Variants in SYCP1 observed in about 807,000 individuals in gnomAD.
SYCP1 encodes the protein cancer/testis antigen 8.
A neutral mutation model predicts 153.1 loss-of-function variants in SYCP1; 64 were observed. That is an observed-to-expected ratio of 0.42 (90% CI 0.34 to 0.51). The LOEUF is 0.51. Among genes scored for constraint, SYCP1 ranks in the 20% least tolerant of loss-of-function variants. SYCP1 has a pLI of 0.06. For missense variants in SYCP1, 997 were observed against 1,049.0 expected (o/e 0.95, Z 0.68); for synonymous variants, 384 against 341.8 (o/e 1.12, Z -1.36).
rs760114839 is a variant in SYCP1, at chr1:114,855,488, A to C, written c.24A>C (p.Ala8=). ...AAATGGAAAAGCAAAAGCCCTTTGC[A>C]TTGTTCGTACCACCGAGATCAAGCA... MEKQKPF[A]LFVPPRSSSS... Residue 8 remains alanine (A), a synonymous_variant, in exon 2 of 32, where the codon GCA becomes GCC. Transcript: ENST00000369522. 6.2e-7 allele frequency: 1 copy of C among 1,609,454 alleles called. No homozygotes were observed.
intron 30 of SYCP1, among the ~76,000 whole-genome samples, 198 bp from the exon 31 acceptor site, chr1:114,994,500 T>C (rs1397780898): frequency 6.6e-6 from 1 of 151,394 alleles, no homozygotes; most frequent in Admixed American, 6.6e-5. Context: ...ATTTATTTTG[T>C]TACTGTTTTC....
In SYCP1 at chr1:114,976,353, A is replaced by G. The variant is rs190925694; in HGVS notation, c.2323-1204A>G. On this transcript the variant is annotated intron_variant, in intron 27 of 31. Coordinates refer to ENST00000369522, the MANE Select transcript of SYCP1 (RefSeq NM_003176.4). The stretch of plus-strand genomic sequence containing the variant: ...TTATAGGAATATCTTACTTATTCAG[A>G]TTAAATAGGAACCTTAGTGGTCTGG... Among the ~76,000 whole-genome samples the G allele has an allele frequency of 3.3e-4, 50 of 151,920 alleles. No individual in the cohort carries two copies. The East Asian group carries it at 7.9e-3, about 24-fold the overall frequency.
chr1:114,962,862 T>G (rs1671868340), intron 27 of SYCP1, among the ~76,000 whole-genome samples: 4 of 152,220 alleles, frequency 2.6e-5, no homozygotes, highest in Admixed American at 2.6e-4. Flanking sequence ...AGTGCTAACT[T>G]GGTAGTGGCG....
chr1:114,879,566 G>T (rs1167658159), intron 12 of SYCP1, among the ~76,000 whole-genome samples: 1 of 152,170 alleles, frequency 6.6e-6, no homozygotes, highest in African/African-American at 2.4e-5. Flanking sequence ...AGTGTATTGA[G>T]GAGGGATTGG....
intron 23 of SYCP1, among the ~76,000 whole-genome samples, chr1:114,927,849 C>T (rs1375754015): frequency 6.6e-6 from 1 of 152,152 alleles, no homozygotes; most frequent in Non-Finnish European, 1.5e-5. Flanking sequence ...GACAGAGTCT[C>T]ACTCTGGCAC....
intron 8 of SYCP1, among the ~76,000 whole-genome samples, chr1:114,871,236 C>T (rs974138555): frequency 4.0e-5 from 6 of 150,022 alleles, no homozygotes; most frequent in Non-Finnish European, 5.9e-5. Flanking sequence ...GGTGCCATCT[C>T]GGTTCACCAC....
At chr1:114,926,175 G>A in intron 21 of SYCP1, 103 bp from the exon 22 acceptor site, 1 of 834,608 alleles carries the variant, frequency 1.2e-6, no homozygotes, top group Non-Finnish European at 1.6e-6. Flanking sequence ...TGATTTTGAA[G>A]TGACCTTTAT....
chr1:114,855,622 T>C, intron 2 of SYCP1, 50 bp downstream of exon 2: 1 of 1,378,552 alleles, frequency 7.3e-7, no homozygotes, highest in Non-Finnish European at 1.0e-6. Flanking sequence ...TTTAGGGAAA[T>C]GAAGAAAAGT....
At chr1:114,878,326 G>C (rs897104053) in intron 12 of SYCP1, 124 bp downstream of exon 12, 13 of 654,686 alleles carry the variant, frequency 2.0e-5, no homozygotes, top group Non-Finnish European at 2.6e-5. Flanking sequence ...ATCTGAGTTG[G>C]TTCGGTTGGA....
At chr1:114,973,030 A>T (rs1174437943) in intron 27 of SYCP1, among the ~76,000 whole-genome samples, 1 of 152,024 alleles carries the variant, frequency 6.6e-6, no homozygotes, top group African/African-American at 2.4e-5. Flanking sequence ...TGTCTATCTG[A>T]TAGGATAAGC....
chr1:114,867,526 A>G (rs1431612808), intron 8 of SYCP1, among the ~76,000 whole-genome samples: 1 of 152,030 alleles, frequency 6.6e-6, no homozygotes, highest in Admixed American at 6.6e-5. Context: ...TGTAAATGGT[A>G]TTGTGTTTTC....
At chr1:114,939,007 CA>C (rs1011856961) in intron 23 of SYCP1, among the ~76,000 whole-genome samples, 8 of 151,832 alleles carry the variant, frequency 5.3e-5, no homozygotes, top group African/African-American at 1.9e-4. Flanking sequence ...TGTGGTTCCC[CA>C]AAAAAATAAA....
intron 21 of SYCP1, among the ~76,000 whole-genome samples, chr1:114,924,535 C>A (rs1443621147): frequency 6.6e-6 from 1 of 151,990 alleles, no homozygotes; most frequent in Admixed American, 6.6e-5. Context: ...AAGTCACATT[C>A]AATGTGAAGC....
At chr1:114,975,782 C>T (rs552139465) in intron 27 of SYCP1, among the ~76,000 whole-genome samples, 1 of 151,878 alleles carries the variant, frequency 6.6e-6, no homozygotes, top group African/African-American at 2.4e-5. Flanking sequence ...GGGCCTTAAT[C>T]TCTGCCTAGC....
At chr1:114,897,534 A>G (rs1304178147) in intron 16 of SYCP1, among the ~76,000 whole-genome samples, 1 of 152,154 alleles carries the variant, frequency 6.6e-6, no homozygotes, top group Non-Finnish European at 1.5e-5. Flanking sequence ...CCCTGAGCCC[A>G]ATCCTAAGCT....
At chr1:114,953,489 A>G (rs1337488262) in intron 27 of SYCP1, among the ~76,000 whole-genome samples, 1 of 152,194 alleles carries the variant, frequency 6.6e-6, no homozygotes, top group African/African-American at 2.4e-5. Context: ...GTTAATTGTT[A>G]TATAAAGCGT....
In SYCP1 at chr1:114,885,593, A is replaced by G; in HGVS notation, c.969A>G (p.Glu323=). The G allele has an allele frequency of 3.2e-6, 5 of 1,583,230 alleles. No individual in the cohort carries two copies. The highest frequency in any genetic ancestry group is 4.3e-6 in the Non-Finnish European group (5 of 1,164,726). The part of the protein sequence containing the change: ...SIEKQHHLTK[E]LEDIKVSLQR... ...AGAAACAGCATCATTTGACTAAAGA[A>G]CTAGAAGATATTAAAGTGTCATTAC... The change falls in exon 13 of 32, where the codon GAA becomes GAG. Residue 323 remains glutamate (E), a synonymous_variant. Transcript: ENST00000369522.
At chr1:114,933,767 G>A (rs1360926139) in intron 23 of SYCP1, among the ~76,000 whole-genome samples, 1 of 152,186 alleles carries the variant, frequency 6.6e-6, no homozygotes, top group Non-Finnish European at 1.5e-5. Context: ...GCATGCACAA[G>A]CTTCAGTAGC....
intron 24 of SYCP1, 58 bp downstream of exon 24, chr1:114,944,513 G>A: frequency 9.7e-7 from 1 of 1,031,528 alleles, no homozygotes; most frequent in East Asian, 3.0e-5. Flanking sequence ...ATTTTTATTA[G>A]GATTTTAAGA....
Sources: gnomAD v4.1 joint callset for allele counts (sites outside exome capture counted in the v4.1 genomes callset) on GRCh38, gnomAD v4.1.1 for gene constraint, MANE v1.5 for transcripts, NCBI Gene and HGNC (gene_info 2026-07-23, HGNC 2026-07-21) for gene names.